The following HMCN2 variants were observed in gnomAD, a reference collection of about 807,000 sequenced individuals.
The protein encoded by HMCN2 is hemicentin 2.
HMCN2 carries 325 observed loss-of-function variants against 377.5 expected under a neutral mutation model. The ratio of observed to expected loss-of-function variants is 0.86; its 90% confidence interval spans 0.79 to 0.94. The LOEUF is 0.94. Among genes scored for constraint, HMCN2 ranks in the 40% least tolerant of loss-of-function variants. The pLI is 0.00. For missense variants in HMCN2, 4,543 were observed against 4,725.3 expected, an observed-to-expected ratio of 0.96 and a Z score of 1.13; for synonymous variants, 2,007 against 2,046.8, an observed-to-expected ratio of 0.98 and a Z score of 0.53.
At chr9:130,433,230 G>A (rs1844868390) in intron 97 of HMCN2, 118 bp from the exon 98 acceptor site, 5 of 755,946 alleles carry the variant, frequency 6.6e-6, no homozygotes, top group Non-Finnish European at 9.7e-6. Flanking sequence ...GCGGGAGAAG[G>A]ACGGGCAGCG....
In HMCN2 at chr9:130,365,977, A is replaced by G; in HGVS notation, c.6607A>G (p.Ile2203Val). ...CECRGVPFPKISWRKDGQPLP... is the reference protein window; with the variant it reads ...CECRGVPFPKVSWRKDGQPLP... ...ATGCCGGGGTGTCCCCTTCCCCAAG[A>G]TCTCCTGGAGGAAGGACGGTAGGAT... Residue 2203 changes from isoleucine (I) to valine (V), a missense_variant, in exon 43 of 98, where the codon ATC (isoleucine) becomes GTC (valine). Ile to Val is a conservative substitution (Grantham distance 29). Coordinates refer to ENST00000683500, the MANE Select transcript of HMCN2 (RefSeq NM_001291815.2). 1 of 985,902 alleles carries G rather than the reference A, an allele frequency of 1.0e-6. No individual in the cohort carries two copies. The highest frequency in any genetic ancestry group is 1.2e-6 in the Non-Finnish European group (1 of 829,982). The allele number at this position is 985,902 out of a possible 1,614,324, so 61.1% of individuals were successfully genotyped here.
chr9:130,355,885 G>A (rs1003131989), intron 33 of HMCN2, 31 bp downstream of exon 33: 1 of 1,221,450 alleles, frequency 8.2e-7, no homozygotes, highest in South Asian at 1.3e-5. Context: ...GCCAGGGCTG[G>A]GGGTAGGCAG....
intron 83 of HMCN2, 89 bp from the exon 84 acceptor site, chr9:130,408,654 A>C: frequency 1.1e-6 from 1 of 938,592 alleles, no homozygotes; most frequent in Non-Finnish European, 1.4e-6. Context: ...CCCTGGAGGC[A>C]GGAGTTGGGC....
chr9:130,394,515 C>A lies in HMCN2; in HGVS notation c.10632C>A (p.Ala3544=). 1 of 1,289,780 alleles carries A rather than the reference C, an allele frequency of 7.8e-7. No homozygotes were observed. The highest frequency in any genetic ancestry group is 1.0e-6 in the Non-Finnish European group (1 of 988,846). The allele number at this position is 1,289,780 out of a possible 1,614,324, so 79.9% of individuals were successfully genotyped here. A position where few individuals can be genotyped will look rare whatever the true frequency, so the allele number is the denominator to read the frequency against. The change falls in exon 69 of 98, where the codon GCC becomes GCA. Residue 3544 remains alanine, a synonymous_variant. Transcript: ENST00000683500. The surrounding 1 kb of genome is among the most constrained non-coding windows in gnomAD (Gnocchi z 5.1). Reference sequence around the variant, plus strand: ...TCACCTGGCATAAGGACGGGCAGGCCCTGACCAGGCTGGAGAACAACAGCA... The same window carrying A: ...TCACCTGGCATAAGGACGGGCAGGCACTGACCAGGCTGGAGAACAACAGCA... ...PNITWHKDGQ[A]LTRLENNSRA...
Position 130,385,511 on chromosome 9 carries a change from G to A in HMCN2, c.9107-49G>A, listed in dbSNP as rs567500503. 19 of 1,236,826 alleles carry A rather than the reference G, an allele frequency of 1.5e-5. No individual in the cohort carries two copies. The African/African-American group carries it at 2.3e-4, about 15-fold the overall frequency. 76.6% of individuals were successfully genotyped at this position (1,236,826 alleles called of 1,614,324 possible). A position where few individuals can be genotyped will look rare whatever the true frequency, so the allele number is the denominator to read the frequency against. On this transcript the variant is annotated intron_variant, in intron 59 of 97. Transcript: ENST00000683500. Reference sequence around the variant, plus strand: ...CATTTTCCCTGTGGCTGAGTGGGGAGGGCGCAGGGACAGCTGCAGCACCTC... The same window carrying A: ...CATTTTCCCTGTGGCTGAGTGGGGAAGGCGCAGGGACAGCTGCAGCACCTC...
Position 130,428,278 on chromosome 9 carries a change from G to A in HMCN2, c.14066-80G>A, listed in dbSNP as rs1844511105. On this transcript the variant is annotated intron_variant, in intron 92 of 97. Transcript: ENST00000683500. The surrounding 1 kb of genome is among the most constrained non-coding windows in gnomAD (Gnocchi z 5.0). Reference sequence around the variant, plus strand: ...TGGGCCTGCGGACGAAGCCTCTGTGGATAGGCCGGGCCAGGGTCAGGTGGC... The same window carrying A: ...TGGGCCTGCGGACGAAGCCTCTGTGAATAGGCCGGGCCAGGGTCAGGTGGC... The A allele has an allele frequency of 3.7e-5, 53 of 1,438,808 alleles. 1 individual carries two copies. The South Asian group carries it at 7.7e-4, about 21-fold the overall frequency. The allele number at this position is 1,438,808 out of a possible 1,614,324, so 89.1% of individuals were successfully genotyped here. A position where few individuals can be genotyped will look rare whatever the true frequency, so the allele number is the denominator to read the frequency against.
rs1842593718 is a variant in HMCN2, at chr9:130,396,077, C to A, written c.11053+12C>A. 13 of 1,233,926 alleles carry A rather than the reference C, an allele frequency of 1.1e-5. No individual in the cohort carries two copies. Among genetic ancestry groups the A allele is most frequent in the Admixed American group, 2.4e-5 (1 of 42,238 alleles). The allele number at this position is 1,233,926 out of a possible 1,614,324, so 76.4% of individuals were successfully genotyped here. ...CGTGGAGATCCACAGTGAGTAGGGC[C>A]CGCCCCACCCCACCCTGCCCACCTT... On this transcript the variant is annotated intron_variant, in intron 72 of 97. Transcript: ENST00000683500.
At chr9:130,298,729 G>C (rs1319621655) in intron 7 of HMCN2, among the ~76,000 whole-genome samples, 1 of 152,146 alleles carries the variant, frequency 6.6e-6, no homozygotes, top group African/African-American at 2.4e-5. Flanking sequence ...TTAATGGGGT[G>C]GGGGACAGTT....
chr9:130,362,185 C>T lies in HMCN2; in HGVS notation c.6108+20C>T. The T allele has an allele frequency of 2.0e-6, 2 of 985,764 alleles. No homozygotes were observed. The highest frequency in any genetic ancestry group is 2.4e-6 in the Non-Finnish European group (2 of 829,842). 61.1% of individuals were successfully genotyped at this position (985,764 alleles called of 1,614,324 possible). A position where few individuals can be genotyped will look rare whatever the true frequency, so the allele number is the denominator to read the frequency against. ...CTGCAGGTCAGTAGGGCTGGGTGGC[C>T]CCGGCTCAACCTCCCTGCACCTCCC... On this transcript the variant is annotated intron_variant, in intron 39 of 97. Transcript: ENST00000683500.
At chr9:130,401,860 A>T (rs749770686) in intron 77 of HMCN2, among the ~76,000 whole-genome samples, 1 of 151,920 alleles carries the variant, frequency 6.6e-6, no homozygotes, top group Non-Finnish European at 1.5e-5. Context: ...GATTGTTTGA[A>T]GCCAGGAGTT....
At chr9:130,309,857 C>T (rs1022754210) in intron 14 of HMCN2, 55 bp from the exon 15 acceptor site, 3 of 382,836 alleles carry the variant, frequency 7.8e-6, no homozygotes, top group Non-Finnish European at 1.7e-5. Context: ...ACCTCCCACC[C>T]TGGCCTCCAT....
rs1564740477 is a variant in HMCN2, at chr9:130,278,037, C to CACCACCATCATCATCATCACCACT, written c.260-6552_260-6551insCATCACCACTACCACCATCATCAT. Among the ~76,000 whole-genome samples the CACCACCATCATCATCATCACCACT allele has an allele frequency of 6.1e-3, 47 of 7,750 alleles. 4 individuals are homozygous for CACCACCATCATCATCATCACCACT. The highest frequency in any genetic ancestry group is 0.06 in the African/African-American group (38 of 632). 5.1% of individuals were successfully genotyped at this position (7,750 alleles called of 152,430 possible). Reference sequence around the variant, plus strand: ...TCATCACCACCACCACGATCATCACCACCACCATCATCATTACCACCACCA... The same window carrying CACCACCATCATCATCATCACCACT: ...TCATCACCACCACCACGATCATCACCACCACCATCATCATCATCACCACTACCACCATCATCATTACCACCACCA... On this transcript the variant is annotated intron_variant, in intron 1 of 97. Coordinates refer to ENST00000683500, the MANE Select transcript of HMCN2 (RefSeq NM_001291815.2).
chr9:130,357,059 AGGAT>A (rs201419400), intron 34 of HMCN2, among the ~76,000 whole-genome samples: 4,974 of 106,074 alleles, frequency 0.047, 119 homozygotes, highest in Middle Eastern at 0.13. Context: ...GATAGAAGGG[AGGAT>A]GGATGGATGG....
At chr9:130,389,644 G>A (rs1006730851) in intron 62 of HMCN2, among the ~76,000 whole-genome samples, 22 of 151,142 alleles carry the variant, frequency 1.5e-4, no homozygotes, top group African/African-American at 5.1e-4. Context: ...CCACAATCTC[G>A]GCTCACTGCA....
At chr9:130,293,009 C>G (rs1217940423) in intron 4 of HMCN2, among the ~76,000 whole-genome samples, 2 of 150,362 alleles carry the variant, frequency 1.3e-5, no homozygotes, top group African/African-American at 4.9e-5. Context: ...TACCTACCTA[C>G]CTGCCTATAT....
At chr9:130,276,358 G>A (rs1399349959) in intron 1 of HMCN2, among the ~76,000 whole-genome samples, 4 of 150,062 alleles carry the variant, frequency 2.7e-5, no homozygotes, top group Non-Finnish European at 5.9e-5. Context: ...TCCTGAGGGA[G>A]TGACGTTGAA....
chr9:130,418,778 C>A lies in HMCN2; in HGVS notation c.12968C>A (p.Pro4323Gln). Residue 4323 changes from proline to glutamine, a missense_variant, in exon 86 of 98, where the codon CCG becomes CAG. By Grantham distance (76) the Pro-to-Gln change is moderately conservative (BLOSUM62 -1). Around this residue, in one of 5 missense-constraint regions of HMCN2, gnomAD observed 1,155 missense variants for 1,157.7 expected, o/e 1.00. Transcript: ENST00000683500. ...CCACCTGGGCCTCCCACAGGTGCTC[C>A]GGTGTTCCAGGTGGAGCCCCAGGAC... ...KVVILVLQSA[P>Q]VFQVEPQDMT... 2 of 1,435,018 alleles carry A rather than the reference C, an allele frequency of 1.4e-6. No individual in the cohort carries two copies. The highest frequency in any genetic ancestry group is 9.2e-7 in the Non-Finnish European group (1 of 1,085,966). The allele number at this position is 1,435,018 out of a possible 1,614,324, so 88.9% of individuals were successfully genotyped here. A position where few individuals can be genotyped will look rare whatever the true frequency, so the allele number is the denominator to read the frequency against.
At position 130,342,941 on chromosome 9, in the gene HMCN2, G is replaced by A. The variant is rs1033825357; in HGVS notation, c.3829+505G>A. ...AGCCACCATGGGTCAGCTGCCCAGC[G>A]CCGAACCCTGCCCTGGCCCTTCCTG... On this transcript the variant is annotated intron_variant, in intron 25 of 97. Coordinates refer to ENST00000683500, the MANE Select transcript of HMCN2 (RefSeq NM_001291815.2). Among the ~76,000 whole-genome samples the A allele has an allele frequency of 5.7e-3, 865 of 152,222 alleles. 6 individuals are homozygous for A. Among genetic ancestry groups the A allele is most frequent in the African/African-American group, 0.019 (801 of 41,526 alleles).
intron 95 of HMCN2, 194 bp downstream of exon 95, chr9:130,430,798 C>A (rs1010007210): frequency 5.1e-6 from 3 of 593,846 alleles, no homozygotes; most frequent in Non-Finnish European, 8.8e-6. Flanking sequence ...GGGCAGGGGG[C>A]TTCCAAGATG....
Sources: gnomAD v4.1 joint callset for allele counts (sites outside exome capture counted in the v4.1 genomes callset) on GRCh38, gnomAD v4.1.1 for gene constraint, gnomAD v4.1.1 regional missense constraint, Gnocchi (gnomAD v3.1) non-coding constraint, MANE v1.5 for transcripts, NCBI Gene and HGNC (gene_info 2026-07-23, HGNC 2026-07-21) for gene names.